BHLHE41: variants seen among roughly 807,000 people sequenced by gnomAD.
BHLHE41 encodes the protein class E basic helix-loop-helix protein 41.
BHLHE41 carries 14 observed loss-of-function variants against 24.0 expected under a neutral mutation model. That is an observed-to-expected ratio of 0.58 (90% confidence interval 0.39 to 0.91). The LOEUF is 0.91. BHLHE41 is among the 40% of genes least tolerant of loss of function. BHLHE41 has a pLI of 0.00. For synonymous variants in BHLHE41, 394 were observed against 315.5 expected (o/e 1.25, Z -2.64); for missense variants, 674 against 655.4 (o/e 1.03, Z -0.31).
chr12:26,124,250 T>A, intron 2 of BHLHE41, 71 bp from the exon 3 acceptor site: 1 of 919,902 alleles, frequency 1.1e-6, no homozygotes, highest in Non-Finnish European at 1.7e-6. Flanking sequence ...ATTACCCTCG[T>A]CTGCCCCCCC....
At position 26,122,482 on chromosome 12, in the gene BHLHE41, C is replaced by A; in HGVS notation, c.1033G>T (p.Ala345Ser). Residue 345 changes from alanine (A) to serine (S), a missense_variant, in exon 5 of 5, where the codon GCC (alanine) becomes TCC (serine). Coordinates refer to ENST00000242728, the MANE Select transcript of BHLHE41 (RefSeq NM_030762.3). ...AAGCAGAAGGGCAGGCAGAAGGGGG[C>A]CGCGGCGGCCGCGGGCTGCGGGAAG... Reference protein sequence around the residue: ...APFPQPAAAAAPFCLPFCFLS... With the variant: ...APFPQPAAAASPFCLPFCFLS... 1 of 1,329,386 alleles carries A rather than the reference C, an allele frequency of 7.5e-7. No homozygotes were observed. The highest frequency in any genetic ancestry group is 3.4e-5 in the East Asian group (1 of 28,998). 82.3% of individuals were successfully genotyped at this position (1,329,386 alleles called of 1,614,324 possible).
At chr12:26,123,290 C>A (rs569271334) in intron 4 of BHLHE41, 122 bp from the exon 5 acceptor site, 5 of 1,316,526 alleles carry the variant, frequency 3.8e-6, no homozygotes, top group Admixed American at 5.7e-5. Context: ...TCGGTTTTTC[C>A]CCAGTATTCA....
rs539771904 is a variant in BHLHE41 at position 26,122,126 on chromosome 12, C to A, written c.1389G>T (p.Pro463=). 1.9e-6 allele frequency: 3 copies of A among 1,548,940 alleles called. No homozygotes were observed. The highest frequency in any genetic ancestry group is 2.7e-5 in the African/African-American group (2 of 73,064). Residue 463 remains proline (P), a synonymous_variant, in exon 5 of 5, where the codon CCG becomes CCT. Transcript: ENST00000242728. ...THLPFAGPRE[P]GNPESSAQED... The stretch of plus-strand genomic sequence containing the variant: ...CCTGAGCAGAGCTCTCCGGGTTCCC[C>A]GGCTCGCGGGGCCCGGCGAAGGGCA...
Position 26,124,923 on chromosome 12 carries a change from T to A in BHLHE41, c.-144A>T. The stretch of plus-strand genomic sequence containing the variant: ...TCCCTCTTCAGTGCAGTGTTGAAAG[T>A]GTGAAGCAGTTGGTCCCCCCCCTCC... On this transcript the variant is annotated 5_prime_UTR_variant, in exon 1 of 5. Transcript: ENST00000242728. The A allele has an allele frequency of 1.2e-6, 1 of 846,946 alleles. No homozygotes were observed. Among genetic ancestry groups the A allele is most frequent in the Non-Finnish European group, 2.0e-6 (1 of 503,662 alleles). 52.5% of individuals were successfully genotyped at this position (846,946 alleles called of 1,614,324 possible). A position where few individuals can be genotyped will look rare whatever the true frequency, so the allele number is the denominator to read the frequency against.
Position 26,124,919 on chromosome 12 carries a change from A to G in BHLHE41, c.-140T>C. 1.1e-6 allele frequency: 1 copy of G among 881,064 alleles called. No individual in the cohort carries two copies. The highest frequency in any genetic ancestry group is 1.9e-6 in the Non-Finnish European group (1 of 531,378). 54.6% of individuals were successfully genotyped at this position (881,064 alleles called of 1,614,324 possible). ...GCTCTCCCTCTTCAGTGCAGTGTTG[A>G]AAGTGTGAAGCAGTTGGTCCCCCCC... On this transcript the variant is annotated 5_prime_UTR_variant, in exon 1 of 5. Transcript: ENST00000242728.
chr12:26,121,849 T>G lies in BHLHE41; in HGVS notation c.*217A>C. On this transcript the variant is annotated 3_prime_UTR_variant, in exon 5 of 5. Transcript: ENST00000242728. ...TGGGGGGAAGAAAGGGATGTTAGTG[T>G]GTGGAGGGTGGGGTGGTGCGGGATG... 2 of 1,107,672 alleles carry G rather than the reference T, an allele frequency of 1.8e-6. No individual in the cohort carries two copies. Among genetic ancestry groups the G allele is most frequent in the South Asian group, 3.3e-5 (2 of 60,684 alleles). 68.6% of individuals were successfully genotyped at this position (1,107,672 alleles called of 1,614,324 possible).
At position 26,122,224 on chromosome 12, in the gene BHLHE41, C is replaced by T. The variant is rs1203349318; in HGVS notation, c.1291G>A (p.Ala431Thr). The T allele has an allele frequency of 1.0e-5, 13 of 1,295,214 alleles. No homozygotes were observed. The highest frequency in any genetic ancestry group is 4.2e-5 in the Admixed American group (1 of 23,626). 80.2% of individuals were successfully genotyped at this position (1,295,214 alleles called of 1,614,324 possible). ...GCCACCTCGTGCGGCAGGAGGGTCGCGGCGGCGGCGCCCGCCTTCTCGGGA... is the reference window on the plus strand; with the variant it reads ...GCCACCTCGTGCGGCAGGAGGGTCGTGGCGGCGGCGCCCGCCTTCTCGGGA... ...PPPEKAGAAA[A>T]TLLPHEVAPL... is the part of the protein sequence containing the mutation. Residue 431 changes from alanine to threonine, a missense_variant, in exon 5 of 5, where the codon GCG becomes ACG. By Grantham distance (58) the Ala-to-Thr change is moderately conservative (BLOSUM62 0). Transcript: ENST00000242728.
At chr12:26,124,445 G>A in intron 2 of BHLHE41, 74 bp downstream of exon 2, 2 of 1,492,930 alleles carry the variant, frequency 1.3e-6, no homozygotes, top group Admixed American at 3.3e-5. Context: ...TGCGGGCAGA[G>A]CTTCACTGTG....
chr12:26,122,383 G>T lies in BHLHE41; in HGVS notation c.1132C>A (p.Pro378Thr). The change falls in exon 5 of 5, where the codon CCG (proline) becomes ACG (threonine). Residue 378 changes from proline (P) to threonine (T), a missense_variant. Pro to Thr is a conservative substitution (Grantham distance 38, BLOSUM62 -1). This residue lies in a region of BHLHE41 where 602 missense variants were observed against 570.8 expected (regional missense o/e 1.05). Coordinates refer to ENST00000242728, the MANE Select transcript of BHLHE41 (RefSeq NM_030762.3). The part of the protein sequence containing the change: ...DKSGLEKYLY[P>T]AAAAAPFPLL... Reference sequence around the variant, plus strand: ...GGGAACGGGGCGGCAGCCGCCGCCGGGTACAGATACTTCTCCAGGCCGCTC... The same window carrying T: ...GGGAACGGGGCGGCAGCCGCCGCCGTGTACAGATACTTCTCCAGGCCGCTC... 1 of 1,229,640 alleles carries T rather than the reference G, an allele frequency of 8.1e-7. No homozygotes were observed. Among genetic ancestry groups the T allele is most frequent in the Admixed American group, 3.7e-5 (1 of 27,178 alleles). 76.2% of individuals were successfully genotyped at this position (1,229,640 alleles called of 1,614,324 possible).
chr12:26,123,126 G>C lies in BHLHE41; in HGVS notation c.389C>G (p.Ala130Gly), dbSNP rs1317299977. 1 of 1,609,546 alleles carries C rather than the reference G, an allele frequency of 6.2e-7. No individual in the cohort carries two copies. The highest frequency in any genetic ancestry group is 2.2e-5 in the East Asian group (1 of 44,780). ...GCATGTTTGAAATCCCGAGTGGAAC[G>C]CATCCAAGTCGGACTGAATGGGCGA... ...LKSPIQSDLD[A>G]FHSGFQTCAK... is the part of the protein sequence containing the mutation. Residue 130 changes from alanine (A) to glycine (G), a missense_variant, in exon 5 of 5, where the codon GCG (alanine) becomes GGG (glycine). By Grantham distance (60) the Ala-to-Gly change is moderately conservative. Around this residue, in one of 3 missense-constraint regions of BHLHE41, gnomAD observed 602 missense variants for 570.8 expected, o/e 1.05. Transcript: ENST00000242728.
At position 26,122,856 on chromosome 12, in the gene BHLHE41, AC is replaced by A; in HGVS notation, c.658del (p.Val220SerfsTer61). On this transcript the variant is annotated frameshift_variant, in exon 5 of 5. Transcript: ENST00000242728. LOFTEE classifies it low-confidence loss of function (END_TRUNC). ...KLEPLAYCVP[V>X]IQRTQPSAEL... is the part of the protein sequence containing the mutation. ...GGCGCTGGGCTGAGTCCGCTGGATGACGGGCACGCAGTAGGCGAGGGGCTCC... is the reference window on the plus strand; with the variant it reads ...GGCGCTGGGCTGAGTCCGCTGGATGAGGGCACGCAGTAGGCGAGGGGCTCC... The A allele has an allele frequency of 1.3e-6, 2 of 1,569,422 alleles. No individual in the cohort carries two copies. The highest frequency in any genetic ancestry group is 1.4e-5 in the African/African-American group (1 of 73,764).
At position 26,121,730 on chromosome 12, in the gene BHLHE41, G is replaced by C. The variant is rs548235884; in HGVS notation, c.*336C>G. The C allele has an allele frequency of 3.1e-6, 1 of 321,066 alleles. No individual in the cohort carries two copies. The highest frequency in any genetic ancestry group is 2.2e-5 in the African/African-American group (1 of 45,722). 19.9% of individuals were successfully genotyped at this position (321,066 alleles called of 1,614,324 possible). A position where few individuals can be genotyped will look rare whatever the true frequency, so the allele number is the denominator to read the frequency against. On this transcript the variant is annotated 3_prime_UTR_variant, in exon 5 of 5. Transcript: ENST00000242728. ...CTCTCGAATTAGGTTCCAATTTTAAGAGATAATGGAACATGGCCTAAAAGG... is the reference window on the plus strand; with the variant it reads ...CTCTCGAATTAGGTTCCAATTTTAACAGATAATGGAACATGGCCTAAAAGG...
In BHLHE41 at chr12:26,122,312, G is replaced by T; in HGVS notation, c.1203C>A (p.Ala401=). The part of the protein sequence containing the change: ...GIPAPAAAAA[A]AAAAAAAAAA... ...CGGCGGCGGCGGCAGCGGCGGCGGCGGCTGCCGCGGCTGCCGCCGGGGCGG... is the reference window on the plus strand; with the variant it reads ...CGGCGGCGGCGGCAGCGGCGGCGGCTGCTGCCGCGGCTGCCGCCGGGGCGG... The change falls in exon 5 of 5, where the codon GCC becomes GCA. Residue 401 remains alanine, a synonymous_variant. Coordinates refer to ENST00000242728, the MANE Select transcript of BHLHE41 (RefSeq NM_030762.3). 8.5e-7 allele frequency: 1 copy of T among 1,169,850 alleles called. No individual in the cohort carries two copies. The highest frequency in any genetic ancestry group is 1.1e-6 in the Non-Finnish European group (1 of 949,378). 72.5% of individuals were successfully genotyped at this position (1,169,850 alleles called of 1,614,324 possible).
At chr12:26,124,400 T>G in intron 2 of BHLHE41, 119 bp downstream of exon 2, 1 of 1,160,990 alleles carries the variant, frequency 8.6e-7, no homozygotes, top group Non-Finnish European at 1.3e-6. Context: ...CACTTAAAAT[T>G]CACAGTTGGG....
Position 26,123,054 on chromosome 12 carries a change from G to A in BHLHE41, c.461C>T (p.Pro154Leu), listed in dbSNP as rs1944328485. ...CAGCTGGACACACCGCGGCTCCCTG[G>A]GTGTCCAGCTCTCAAACCGGGAGAG... is the stretch of plus-strand genomic sequence containing the variant. ...QYLSRFESWT[P>L]REPRCVQLIN... is the part of the protein sequence containing the mutation. Residue 154 changes from proline (P) to leucine (L), a missense_variant, in exon 5 of 5, where the codon CCC (proline) becomes CTC (leucine). This residue lies in a region of BHLHE41 where 602 missense variants were observed against 570.8 expected (regional missense o/e 1.05). Coordinates refer to ENST00000242728, the MANE Select transcript of BHLHE41 (RefSeq NM_030762.3). The A allele has an allele frequency of 1.9e-6, 3 of 1,583,502 alleles. No homozygotes were observed. Among genetic ancestry groups the A allele is most frequent in the Non-Finnish European group, 1.7e-6 (2 of 1,164,204 alleles).
At position 26,122,722 on chromosome 12, in the gene BHLHE41, T is replaced by G; in HGVS notation, c.793A>C (p.Ile265Leu). ...TCCTCCCCGGGAGGCTCCTGCTTGA[T>G]GGTGACGCGGCTCGCCCCCGCGCCT... ...GKGAGASRVT[I>L]KQEPPGEDSP... Residue 265 changes from isoleucine (I) to leucine (L), a missense_variant, in exon 5 of 5, where the codon ATC becomes CTC. Around this residue, in one of 3 missense-constraint regions of BHLHE41, gnomAD observed 602 missense variants for 570.8 expected, o/e 1.05. Coordinates refer to ENST00000242728, the MANE Select transcript of BHLHE41 (RefSeq NM_030762.3). 1 of 1,590,620 alleles carries G rather than the reference T, an allele frequency of 6.3e-7. No homozygotes were observed. The highest frequency in any genetic ancestry group is 8.5e-7 in the Non-Finnish European group (1 of 1,173,186).
chr12:26,120,087 CA>C lies in BHLHE41; in HGVS notation c.*1978del, dbSNP rs1253442395. The C allele has an allele frequency of 2.6e-5, 4 of 152,104 alleles. No homozygotes were observed. Among genetic ancestry groups the C allele is most frequent in the Non-Finnish European group, 4.4e-5 (3 of 68,020 alleles). 9.4% of individuals were successfully genotyped at this position (152,104 alleles called of 1,614,324 possible). A position where few individuals can be genotyped will look rare whatever the true frequency, so the allele number is the denominator to read the frequency against. On this transcript the variant is annotated 3_prime_UTR_variant, in exon 5 of 5. Transcript: ENST00000242728. ...GATACATTGGGAACGAGCAGGTAGA[CA>C]AAGCCAGAGCCTGGAGGCTTGCAAG...
In BHLHE41 at chr12:26,124,804, G is replaced by A; in HGVS notation, c.-25C>T. ...TGTTCAACTGCTGTTCGTTTCCTCT[G>A]TTTCGATTTTTGGGGCTCTGTACAA... is the stretch of plus-strand genomic sequence containing the variant. On this transcript the variant is annotated 5_prime_UTR_variant, in exon 1 of 5. Coordinates refer to ENST00000242728, the MANE Select transcript of BHLHE41 (RefSeq NM_030762.3). 1 of 1,613,668 alleles carries A rather than the reference G, an allele frequency of 6.2e-7. No individual in the cohort carries two copies. Among genetic ancestry groups the A allele is most frequent in the Non-Finnish European group, 8.5e-7 (1 of 1,179,638 alleles).
At position 26,121,816 on chromosome 12, in the gene BHLHE41, A is replaced by C; in HGVS notation, c.*250T>G. 2 of 851,422 alleles carry C rather than the reference A, an allele frequency of 2.3e-6. No individual in the cohort carries two copies. The highest frequency in any genetic ancestry group is 3.3e-6 in the Non-Finnish European group (2 of 600,782). The allele number at this position is 851,422 out of a possible 1,614,324, so 52.7% of individuals were successfully genotyped here. On this transcript the variant is annotated 3_prime_UTR_variant, in exon 5 of 5. Coordinates refer to ENST00000242728, the MANE Select transcript of BHLHE41 (RefSeq NM_030762.3). ...CAGTGTCTTTCGCATAGGATCTTTTACAGCTGGTGGGGGGAAGAAAGGGAT... is the reference window on the plus strand; with the variant it reads ...CAGTGTCTTTCGCATAGGATCTTTTCCAGCTGGTGGGGGGAAGAAAGGGAT...
Sources: gnomAD v4.1 joint callset for allele counts on GRCh38, gnomAD v4.1.1 for gene constraint, gnomAD v4.1.1 regional missense constraint, MANE v1.5 for transcripts, NCBI Gene and HGNC (gene_info 2026-07-23, HGNC 2026-07-21) for gene names.